Variants in TFG observed in about 807,000 individuals in gnomAD.
TFG encodes trafficking from ER to golgi regulator.
A neutral mutation model predicts 51.4 loss-of-function variants in TFG; 22 were observed. The ratio of observed to expected loss-of-function variants is 0.43; its 90% CI spans 0.31 to 0.61. The LOEUF (loss-of-function observed/expected upper bound fraction) is 0.61, where lower values mean the gene tolerates loss of function less well. TFG is among the 20% of genes least tolerant of loss of function. TFG has a pLI of 0.12. For synonymous variants in TFG, 187 were observed against 165.6 expected (o/e 1.13, Z -0.99); for missense variants, 419 against 487.7 (o/e 0.86, Z 1.33).
intron 1 of TFG, among the ~76,000 whole-genome samples, chr3:100,711,995 T>C (rs142325067): frequency 2.0e-3 from 307 of 152,322 alleles, no homozygotes; most frequent in Non-Finnish European, 3.4e-3. Context: ...AACTGGCAGA[T>C]AAAAAGCTAA....
At chr3:100,719,951 A>G (rs750217275) in intron 2 of TFG, 24 bp from the exon 3 acceptor site, 20 of 1,407,750 alleles carry the variant, frequency 1.4e-5, no homozygotes, top group Non-Finnish European at 1.8e-5. Context: ...TTAAAAAACA[A>G]CCTTTTTTTT....
chr3:100,741,791 GTT>G (rs2095121951), intron 6 of TFG, among the ~76,000 whole-genome samples: 1 of 152,016 alleles, frequency 6.6e-6, no homozygotes, highest in African/African-American at 2.4e-5. Flanking sequence ...CCTTTTTTAT[GTT>G]TTGATATGTT....
At chr3:100,714,393 C>G (rs998086945) in intron 2 of TFG, among the ~76,000 whole-genome samples, 1 of 151,754 alleles carries the variant, frequency 6.6e-6, no homozygotes, top group Non-Finnish European at 1.5e-5. Flanking sequence ...CCCAACTACT[C>G]GGGAGGATGA....
chr3:100,716,004 T>C (rs1157714715), intron 2 of TFG, among the ~76,000 whole-genome samples: 1 of 152,154 alleles, frequency 6.6e-6, no homozygotes, highest in East Asian at 1.9e-4. Flanking sequence ...TCATTACATA[T>C]AATGGGATTA....
At chr3:100,712,869 G>A (rs2095034895) in intron 1 of TFG, among the ~76,000 whole-genome samples, 1 of 152,166 alleles carries the variant, frequency 6.6e-6, no homozygotes, top group South Asian at 2.1e-4. Flanking sequence ...ATCATATGAG[G>A]GGTATCAGAA....
chr3:100,717,458 G>T (rs1322107930), intron 2 of TFG, among the ~76,000 whole-genome samples: 1 of 152,096 alleles, frequency 6.6e-6, no homozygotes, highest in Non-Finnish European at 1.5e-5. Flanking sequence ...TTGGTAGTTT[G>T]ATAGGGATTG....
chr3:100,715,915 C>T (rs2095044566), intron 2 of TFG, among the ~76,000 whole-genome samples: 1 of 151,626 alleles, frequency 6.6e-6, no homozygotes, highest in Non-Finnish European at 1.5e-5. Context: ...AGCAAAGTCC[C>T]AAGAGTACTT....
chr3:100,710,159 A>C (rs1315388075), intron 1 of TFG: 1 of 152,176 alleles, frequency 6.6e-6, no homozygotes, highest in South Asian at 2.1e-4. Context: ...CTACGGGAAT[A>C]AGTTGATTGG....
chr3:100,724,138 C>T (rs1431541259), intron 3 of TFG, among the ~76,000 whole-genome samples: 2 of 152,010 alleles, frequency 1.3e-5, no homozygotes, highest in Non-Finnish European at 2.9e-5. Flanking sequence ...GCCTTAAATA[C>T]TTTATATTAG....
rs1164970592 is a variant in TFG, at chr3:100,744,559, ATTTG to A, written c.722-270_722-267del. 1.4e-5 allele frequency: 4 copies of A among 277,124 alleles called. No homozygotes were observed. In the Admixed American group the frequency reaches 2.1e-4, roughly 15 times the overall value. The allele number at this position is 277,124 out of a possible 1,614,324, so 17.2% of individuals were successfully genotyped here. A position where few individuals can be genotyped will look rare whatever the true frequency, so the allele number is the denominator to read the frequency against. On this transcript the variant is annotated intron_variant, in intron 6 of 7. Transcript: ENST00000240851. ...TCTGTTGGCAGCTGGGTTGGAAAAC[ATTTG>A]TTTTTCTAGACTTTATGAAATGGTA...
Position 100,728,796 on chromosome 3 carries a change from G to A in TFG, c.353G>A (p.Arg118His), listed in dbSNP as rs376804190. The change falls in exon 4 of 8, where the codon CGT (arginine) becomes CAT (histidine). Residue 118 changes from arginine to histidine, a missense_variant. Coordinates refer to ENST00000240851, the MANE Select transcript of TFG (RefSeq NM_006070.6). ...ATAGAACTTCGAAATAAAGTGAATC[G>A]TTTATTGGATAGCTTGGAACCACCT... ...ELIELRNKVNRLLDSLEPPGE... is the reference protein window; with the variant it reads ...ELIELRNKVNHLLDSLEPPGE... 6 of 1,612,444 alleles carry A rather than the reference G, an allele frequency of 3.7e-6. No individual in the cohort carries two copies. The highest frequency in any genetic ancestry group is 1.3e-5 in the African/African-American group (1 of 74,884).
rs536162117 is a variant in TFG, at chr3:100,722,108, G to A, written c.268+2050G>A. On this transcript the variant is annotated intron_variant, in intron 3 of 7. Transcript: ENST00000240851. ...GGAGGTTGCAGTGAGTCGAGATCGC[G>A]CCACTGCACTCCAGCCTGGGTGACA... Among the ~76,000 whole-genome samples, 24 of 152,172 alleles carry A rather than the reference G, an allele frequency of 1.6e-4. No individual in the cohort carries two copies. In the South Asian group the frequency reaches 3.5e-3, roughly 22 times the overall value.
At chr3:100,742,127 A>C (rs757183417) in intron 6 of TFG, among the ~76,000 whole-genome samples, 1 of 152,162 alleles carries the variant, frequency 6.6e-6, no homozygotes, top group Non-Finnish European at 1.5e-5. Flanking sequence ...TTTTTAAACA[A>C]TTAAACAGAC....
chr3:100,720,706 A>G (rs904679694), intron 3 of TFG, among the ~76,000 whole-genome samples: 9 of 152,260 alleles, frequency 5.9e-5, no homozygotes, highest in African/African-American at 9.6e-5. Flanking sequence ...CTTGCTTTAG[A>G]CAGTATTTCC....
Position 100,748,693 on chromosome 3 carries a change from C to CAAAG in TFG, c.*164_*167dup, listed in dbSNP as rs2095158323. The CAAAG allele has an allele frequency of 3.5e-6, 3 of 857,930 alleles. No individual in the cohort carries two copies. Among genetic ancestry groups the CAAAG allele is most frequent in the African/African-American group, 3.4e-5 (2 of 58,272 alleles). 53.1% of individuals were successfully genotyped at this position (857,930 alleles called of 1,614,324 possible). On this transcript the variant is annotated 3_prime_UTR_variant, in exon 8 of 8. Transcript: ENST00000240851. ...ATTGAAAGTATAATTTGCTGGAACA[C>CAAAG]AAAGACCAAAATGAAAGTTTTTTCC...
At chr3:100,737,544 G>A (rs536195355) in intron 6 of TFG, among the ~76,000 whole-genome samples, 1 of 152,330 alleles carries the variant, frequency 6.6e-6, no homozygotes, top group East Asian at 1.9e-4. Flanking sequence ...GTCTATGTGT[G>A]TTGGGACCTT....
intron 2 of TFG, among the ~76,000 whole-genome samples, chr3:100,718,559 T>TG (rs1201732000): frequency 8.5e-5 from 12 of 141,948 alleles, no homozygotes; most frequent in Middle Eastern, 3.2e-3. Flanking sequence ...GTTTTTTTTT[T>TG]TTTTTTTTTT....
chr3:100,714,491 C>T (rs1331305256), intron 2 of TFG, among the ~76,000 whole-genome samples: 1 of 150,642 alleles, frequency 6.6e-6, no homozygotes, highest in Non-Finnish European at 1.5e-5. Flanking sequence ...CACAGCAAGA[C>T]TCCGTCTCAA....
chr3:100,712,012 T>A (rs2095032755), intron 1 of TFG, among the ~76,000 whole-genome samples: 1 of 152,230 alleles, frequency 6.6e-6, no homozygotes, highest in Non-Finnish European at 1.5e-5. Context: ...CTAACTGTAT[T>A]CTTATTTTGC....
Sources: gnomAD v4.1 joint callset for allele counts (sites outside exome capture counted in the v4.1 genomes callset) on GRCh38, gnomAD v4.1.1 for gene constraint, MANE v1.5 for transcripts, NCBI Gene and HGNC (gene_info 2026-07-23, HGNC 2026-07-21) for gene names.